CNBD1: variants seen among roughly 807,000 people sequenced by gnomAD.
CNBD1 encodes the protein cyclic nucleotide binding domain containing 1, also known as cyclic nucleotide-binding domain-containing protein 1.
A neutral mutation model predicts 54.4 loss-of-function variants in CNBD1; 71 were observed. The ratio of observed to expected loss-of-function variants is 1.30; its 90% CI spans 1.08 to 1.59. CNBD1 has a LOEUF of 1.59. Among genes scored for constraint, CNBD1 ranks in the 40% most tolerant of loss-of-function variants. The pLI is 0.00. For synonymous variants in CNBD1, 182 were observed against 170.7 expected (o/e 1.07, Z -0.51); for missense variants, 659 against 518.0 (o/e 1.27, Z -2.64).
intron 3 of CNBD1, among the ~76,000 whole-genome samples, chr8:86,910,130 C>A (rs770402105): frequency 6.6e-6 from 1 of 152,032 alleles, no homozygotes; most frequent in Admixed American, 6.5e-5. Flanking sequence ...TAGTTGTAAT[C>A]GAAATTGGAC....
chr8:86,949,360 T>C (rs1358182840), intron 4 of CNBD1, among the ~76,000 whole-genome samples: 1 of 152,220 alleles, frequency 6.6e-6, no homozygotes, highest in Non-Finnish European at 1.5e-5. Context: ...ATCTTAACAA[T>C]ATTGATTCTG....
chr8:86,905,218 C>T (rs372422540), intron 3 of CNBD1, 24 bp downstream of exon 3: 11 of 1,327,478 alleles, frequency 8.3e-6, no homozygotes, highest in Non-Finnish European at 1.2e-5. Context: ...CTTTTGAAAG[C>T]AAGGTTGATG....
At chr8:87,378,420 C>T (rs946564039) in intron 10 of CNBD1, among the ~76,000 whole-genome samples, 2 of 150,586 alleles carry the variant, frequency 1.3e-5, no homozygotes, top group African/African-American at 5.0e-5. Context: ...AATCCTTTCC[C>T]CATTTCTTGT....
intron 6 of CNBD1, among the ~76,000 whole-genome samples, chr8:87,272,191 A>G (rs979059504): frequency 3.3e-5 from 5 of 151,990 alleles, no homozygotes; most frequent in African/African-American, 9.7e-5. Context: ...GATTATAGTT[A>G]ACATTAATAG....
At chr8:87,131,710 T>C (rs1812121349) in intron 4 of CNBD1, among the ~76,000 whole-genome samples, 1 of 152,026 alleles carries the variant, frequency 6.6e-6, no homozygotes, top group African/African-American at 2.4e-5. Flanking sequence ...TTTTAAAACA[T>C]TGGAACACAC....
At chr8:87,097,003 C>T (rs1400791636) in intron 4 of CNBD1, among the ~76,000 whole-genome samples, 2 of 152,140 alleles carry the variant, frequency 1.3e-5, no homozygotes, top group Admixed American at 1.3e-4. Context: ...GCTTCCTTAA[C>T]TACATAGCTT....
chr8:86,915,438 G>C (rs1219295451), intron 3 of CNBD1, among the ~76,000 whole-genome samples: 1 of 152,162 alleles, frequency 6.6e-6, no homozygotes, highest in Non-Finnish European at 1.5e-5. Context: ...TCCTAGGTTT[G>C]TGGTCTCCCA....
At chr8:87,021,137 C>G (rs947580165) in intron 4 of CNBD1, among the ~76,000 whole-genome samples, 1 of 152,230 alleles carries the variant, frequency 6.6e-6, no homozygotes, top group African/African-American at 2.4e-5. Context: ...ATAAACCAAG[C>G]TGTAACCCAA....
At chr8:87,037,073 T>C (rs961259006) in intron 4 of CNBD1, among the ~76,000 whole-genome samples, 2 of 151,578 alleles carry the variant, frequency 1.3e-5, no homozygotes, top group African/African-American at 2.4e-5. Context: ...TATAAAAATA[T>C]GTATTTTACC....
intron 5 of CNBD1, among the ~76,000 whole-genome samples, chr8:87,215,383 G>A (rs1814187289): frequency 6.6e-6 from 1 of 152,054 alleles, no homozygotes; most frequent in South Asian, 2.1e-4. Flanking sequence ...TCAGGAGATC[G>A]AGATCATCCT....
At chr8:87,306,068 C>T (rs1004809695) in intron 8 of CNBD1, among the ~76,000 whole-genome samples, 1 of 151,960 alleles carries the variant, frequency 6.6e-6, no homozygotes, top group South Asian at 2.1e-4. Context: ...AGAAAAAAAA[C>T]CATCCCATCA....
intron 10 of CNBD1, among the ~76,000 whole-genome samples, chr8:87,373,539 G>A (rs978016280): frequency 3.3e-5 from 5 of 151,764 alleles, no homozygotes; most frequent in African/African-American, 4.8e-5. Flanking sequence ...AATGTAACTT[G>A]TTTTTCAGCA....
rs141509554 is a variant in CNBD1, at chr8:87,207,293, A to G, written c.577+1155A>G. Among the ~76,000 whole-genome samples the G allele has an allele frequency of 5.7e-3, 875 of 152,264 alleles. 8 individuals carry two copies. The highest frequency in any genetic ancestry group is 0.02 in the African/African-American group (832 of 41,572). On this transcript the variant is annotated intron_variant, in intron 5 of 10. Transcript: ENST00000518476. ...AATGTCCTTGAATAGAAGATTGGCT[A>G]TACATATTTTGATATATCTATTATA...
At chr8:87,106,807 C>G (rs1014686226) in intron 4 of CNBD1, among the ~76,000 whole-genome samples, 3 of 152,050 alleles carry the variant, frequency 2.0e-5, no homozygotes, top group Non-Finnish European at 2.9e-5. Context: ...CTACTCCATC[C>G]TGGGCTGCTT....
At chr8:87,188,227 G>T (rs890483722) in intron 4 of CNBD1, among the ~76,000 whole-genome samples, 1 of 152,096 alleles carries the variant, frequency 6.6e-6, no homozygotes, top group Non-Finnish European at 1.5e-5. Flanking sequence ...CCCTAGACTA[G>T]ATTACGTCTC....
rs185499353 is a variant in CNBD1, at chr8:87,043,470, A to G, written c.431+103716A>G. On this transcript the variant is annotated intron_variant, in intron 4 of 10. Coordinates refer to ENST00000518476, the MANE Select transcript of CNBD1 (RefSeq NM_173538.3). Reference sequence around the variant, plus strand: ...CACATTTTGTCTGTAAACCATATATATGTTCCACTAATGTTTCTGAATTTT... The same window carrying G: ...CACATTTTGTCTGTAAACCATATATGTGTTCCACTAATGTTTCTGAATTTT... Among the ~76,000 whole-genome samples the G allele has an allele frequency of 3.7e-3, 566 of 152,320 alleles. 3 individuals carry two copies. The highest frequency in any genetic ancestry group is 0.012 in the African/African-American group (503 of 41,550).
At chr8:87,161,747 C>A (rs1047363736) in intron 4 of CNBD1, among the ~76,000 whole-genome samples, 2 of 152,038 alleles carry the variant, frequency 1.3e-5, no homozygotes, top group African/African-American at 4.8e-5. Flanking sequence ...ATATGCCTTA[C>A]AAAAGTAATT....
chr8:86,935,045 A>T (rs1450369256), intron 3 of CNBD1, among the ~76,000 whole-genome samples: 1 of 150,396 alleles, frequency 6.6e-6, no homozygotes, highest in African/African-American at 2.5e-5. Context: ...TTATTTATTT[A>T]TTTATTTTGA....
intron 4 of CNBD1, among the ~76,000 whole-genome samples, chr8:87,114,451 A>G (rs1482598199): frequency 2.0e-5 from 3 of 152,120 alleles, no homozygotes; most frequent in Admixed American, 2.0e-4. Context: ...CCCAGGTTCC[A>G]GTGATTCTCC....
Sources: allele counts gnomAD v4.1 joint callset (sites outside exome capture counted in the v4.1 genomes callset), GRCh38; gene constraint gnomAD v4.1.1; transcripts MANE v1.5; gene names NCBI Gene and HGNC (gene_info 2026-07-23, HGNC 2026-07-21).